Variants in SEC31A observed in about 807,000 individuals in gnomAD.
SEC31A encodes protein transport protein Sec31A.
In SEC31A, 70 loss-of-function variants were observed where a neutral mutation model predicts 151.0. The ratio of observed to expected loss-of-function variants is 0.46; its 90% CI spans 0.38 to 0.57. The LOEUF (loss-of-function observed/expected upper bound fraction) is 0.57. Ranked by LOEUF, SEC31A falls within the 20% of genes least tolerant of loss-of-function variation. The pLI, the probability that SEC31A is intolerant of heterozygous loss-of-function variation, is 0.00. For missense variants in SEC31A, 1,330 were observed against 1,471.2 expected (o/e 0.90, Z 1.57); for synonymous variants, 475 against 505.9 (o/e 0.94, Z 0.82).
At chr4:82,828,673 C>CAAAAAAAAAAAAAAAA (rs397994259) in intron 23 of SEC31A, among the ~76,000 whole-genome samples, 164 of 44,006 alleles carry the variant, frequency 3.7e-3, no homozygotes, top group East Asian at 0.01. Flanking sequence ...CAAAGTAACT[C>CAAAAAAAAAAAAAAAA]AAAAAAAAAA....
chr4:82,891,915 T>C (rs1578430031), upstream of SEC31A, among the ~76,000 whole-genome samples: 1 of 152,216 alleles, frequency 6.6e-6, no homozygotes, highest in South Asian at 2.1e-4. Flanking sequence ...ACTTGCTAAA[T>C]TACCAGAAAT....
At chr4:82,827,823 T>C (rs899899088) in intron 23 of SEC31A, among the ~76,000 whole-genome samples, 191 bp from the exon 24 acceptor site, 1 of 152,164 alleles carries the variant, frequency 6.6e-6, no homozygotes, top group Non-Finnish European at 1.5e-5. Flanking sequence ...ACAGAGCTGA[T>C]TTGGCTAAGA....
upstream of SEC31A, chr4:82,893,607 G>GT (rs1178535216): frequency 6.6e-6 from 1 of 152,142 alleles, no homozygotes; most frequent in Non-Finnish European, 1.5e-5. Context: ...AACAAAATTT[G>GT]TATCAACTTG....
At chr4:82,867,465 AT>A in intron 8 of SEC31A, 149 bp from the exon 9 acceptor site, 1 of 684,458 alleles carries the variant, frequency 1.5e-6, no homozygotes. Context: ...GAATACTAAG[AT>A]TTTTTAAAGT....
In SEC31A at chr4:82,871,482, G is replaced by T; in HGVS notation, c.782+462C>A. Reference sequence around the variant, plus strand: ...TTTTACCATAGACTAACTGATAACTGACATAAACATTAAGTTCCTACGGTG... The same window carrying T: ...TTTTACCATAGACTAACTGATAACTTACATAAACATTAAGTTCCTACGGTG... On this transcript the variant is annotated intron_variant, in intron 7 of 26. Coordinates refer to ENST00000395310, the MANE Select transcript of SEC31A (RefSeq NM_001077207.4). 3.4e-6 allele frequency: 4 copies of T among 1,185,772 alleles called. No homozygotes were observed. The South Asian group carries it at 5.2e-5, about 15-fold the overall frequency. 73.5% of individuals were successfully genotyped at this position (1,185,772 alleles called of 1,614,324 possible).
chr4:82,872,085 A>T lies in SEC31A; in HGVS notation c.641T>A (p.Met214Lys), dbSNP rs1399073273. ...ATGCCATGCCAACCCAGAACAATGC[A>T]TCTGAAGATAGTTAAGGTTCACATT... The part of the protein sequence containing the change: ...IIKVSDHSNR[M>K]HCSGLAWHPD... The change falls in exon 7 of 27, where the codon ATG (methionine) becomes AAG (lysine). Residue 214 changes from methionine to lysine, a missense_variant and splice_region_variant. Transcript: ENST00000395310. The T allele has an allele frequency of 6.2e-7, 1 of 1,612,350 alleles. No individual in the cohort carries two copies. The highest frequency in any genetic ancestry group is 8.5e-7 in the Non-Finnish European group (1 of 1,178,484).
chr4:82,851,436 T>C lies in SEC31A; in HGVS notation c.2323A>G (p.Asn775Asp), dbSNP rs1240908190. ...AAATGGTCAATTCTAATTACCTGGTTGGTGTTGTCAGGAAGAAAAGCCAAG... is the reference window on the plus strand; with the variant it reads ...AAATGGTCAATTCTAATTACCTGGTCGGTGTTGTCAGGAAGAAAAGCCAAG... ...AALAFLPDNTNQPNIMQLRDR... is the reference protein window; with the variant it reads ...AALAFLPDNTDQPNIMQLRDR... The change falls in exon 19 of 27, where the codon AAC becomes GAC. Residue 775 changes from asparagine (N) to aspartate (D), a missense_variant. By Grantham distance (23) the Asn-to-Asp change is conservative (BLOSUM62 1). Transcript: ENST00000395310. The C allele has an allele frequency of 5.0e-6, 8 of 1,610,626 alleles. No individual in the cohort carries two copies. In the South Asian group the frequency reaches 7.7e-5, roughly 16 times the overall value.
At chr4:82,848,727 C>G (rs888653466) in intron 20 of SEC31A, 77 bp downstream of exon 20, 2 of 1,293,632 alleles carry the variant, frequency 1.5e-6, no homozygotes, top group Non-Finnish European at 2.1e-6. Flanking sequence ...AGAAGGTCTC[C>G]TGCTGAACAA....
chr4:82,830,339 T>C (rs762013887), intron 22 of SEC31A, among the ~76,000 whole-genome samples: 1 of 152,160 alleles, frequency 6.6e-6, no homozygotes, highest in Non-Finnish European at 1.5e-5. Flanking sequence ...TGCATGCCTG[T>C]AGTCTCAGCT....
At chr4:82,851,230 A>G (rs548373819) in intron 19 of SEC31A, among the ~76,000 whole-genome samples, 3 of 152,230 alleles carry the variant, frequency 2.0e-5, no homozygotes, top group African/African-American at 4.8e-5. Context: ...GCACTGCAAG[A>G]TTATCCTATC....
At position 82,891,147 on chromosome 4, in the gene SEC31A, A is replaced by G. The variant is rs1441880817; in HGVS notation, c.-64T>C. The G allele has an allele frequency of 3.3e-6, 5 of 1,535,828 alleles. No individual in the cohort carries two copies. The East Asian group carries it at 1.2e-4, about 38-fold the overall frequency. On this transcript the variant is annotated 5_prime_UTR_variant, in exon 1 of 27. Transcript: ENST00000395310. ...AGTGCAGCGCTCGTCGGACTCTCCC[A>G]GCATTCGCCGCCGCCCCTCCTCCCC...
chr4:82,864,180 G>A (rs1287979867), intron 11 of SEC31A, among the ~76,000 whole-genome samples, 182 bp downstream of exon 11: 2 of 151,916 alleles, frequency 1.3e-5, no homozygotes, highest in Non-Finnish European at 2.9e-5. Context: ...TCAAAGCAGA[G>A]AAGGAAAAAC....
intron 26 of SEC31A, among the ~76,000 whole-genome samples, chr4:82,819,538 C>T (rs1239416694): frequency 6.6e-6 from 1 of 152,108 alleles, no homozygotes; most frequent in African/African-American, 2.4e-5. Context: ...AACTGAAATG[C>T]TAATTTCTCT....
intron 22 of SEC31A, among the ~76,000 whole-genome samples, chr4:82,832,113 A>T (rs954129714): frequency 2.6e-5 from 4 of 152,218 alleles, no homozygotes; most frequent in Non-Finnish European, 5.9e-5. Flanking sequence ...AATCCTGGGC[A>T]AGAAGAACAA....
chr4:82,831,393 T>C (rs79882317), intron 22 of SEC31A: 2,556 of 154,432 alleles, frequency 0.017, 35 homozygotes, highest in East Asian at 0.044. Context: ...TATTTTGGTA[T>C]TGTTCAAAGC....
chr4:82,821,721 G>T (rs956590014), intron 25 of SEC31A, among the ~76,000 whole-genome samples: 1 of 152,010 alleles, frequency 6.6e-6, no homozygotes, highest in Non-Finnish European at 1.5e-5. Context: ...ACTTGATAAG[G>T]TATATATGCA....
Position 82,827,427 on chromosome 4 carries a change from G to A in SEC31A, c.3233C>T (p.Ser1078Phe). Reference sequence around the variant, plus strand: ...ACCTTCAATATTGGGCTTTGAAAAAGATGGTGGCATGCCTGTTTGACCAAG... The same window carrying A: ...ACCTTCAATATTGGGCTTTGAAAAAAATGGTGGCATGCCTGTTTGACCAAG... ...QPLGQTGMPP[S>F]FSKPNIEGAP... The change falls in exon 24 of 27, where the codon TCT becomes TTT. Residue 1078 changes from serine (S) to phenylalanine (F), a missense_variant. Coordinates refer to ENST00000395310, the MANE Select transcript of SEC31A (RefSeq NM_001077207.4). 1 of 1,614,216 alleles carries A rather than the reference G, an allele frequency of 6.2e-7. No homozygotes were observed. The highest frequency in any genetic ancestry group is 8.5e-7 in the Non-Finnish European group (1 of 1,180,038).
chr4:82,832,824 T>C (rs1228696263), intron 22 of SEC31A, among the ~76,000 whole-genome samples: 4 of 152,222 alleles, frequency 2.6e-5, no homozygotes, highest in African/African-American at 7.2e-5. Context: ...TCACTGGTCA[T>C]TGGAGAAATG....
Position 82,875,738 on chromosome 4 carries a change from C to A in SEC31A, c.487G>T (p.Ala163Ser). 1 of 1,591,970 alleles carries A rather than the reference C, an allele frequency of 6.3e-7. No individual in the cohort carries two copies. The highest frequency in any genetic ancestry group is 1.1e-5 in the South Asian group (1 of 88,474). Residue 163 changes from alanine (A) to serine (S), a missense_variant, in exon 5 of 27, where the codon GCC becomes TCC. Coordinates refer to ENST00000395310, the MANE Select transcript of SEC31A (RefSeq NM_001077207.4). ...NNFATPMTPG[A>S]KTQPPEDISC... Reference sequence around the variant, plus strand: ...CAATATAAAAATACCTGTGTTTTGGCTCCTGGTGTCATTGGGGTTGCAAAA... The same window carrying A: ...CAATATAAAAATACCTGTGTTTTGGATCCTGGTGTCATTGGGGTTGCAAAA...
Sources: gnomAD v4.1 joint callset for allele counts (sites outside exome capture counted in the v4.1 genomes callset) on GRCh38, gnomAD v4.1.1 for gene constraint, MANE v1.5 for transcripts, NCBI Gene and HGNC (gene_info 2026-07-23, HGNC 2026-07-21) for gene names.